LRBA: variants seen among roughly 807,000 people sequenced by gnomAD.
The protein encoded by LRBA is lipopolysaccharide-responsive and beige-like anchor protein.
LRBA carries 176 observed loss-of-function variants against 330.0 expected under a neutral mutation model. That is an observed-to-expected ratio of 0.53 (90% CI 0.47 to 0.60). The LOEUF is 0.60. Ranked by LOEUF, LRBA falls within the 20% of genes least tolerant of loss-of-function variation. LRBA has a pLI of 0.00. For missense variants in LRBA, 3,259 were observed against 3,444.8 expected (o/e 0.95, Z 1.35); for synonymous variants, 1,230 against 1,193.0 (o/e 1.03, Z -0.64).
At chr4:150,788,239 ATTTTTTTTT>A (rs377479266) in intron 34 of LRBA, among the ~76,000 whole-genome samples, 1 of 123,238 alleles carries the variant, frequency 8.1e-6, no homozygotes, top group African/African-American at 3.9e-5. Flanking sequence ...CACCCGGTTA[ATTTTTTTTT>A]TTTTTTTTTT....
intron 35 of LRBA, among the ~76,000 whole-genome samples, chr4:150,753,667 C>G (rs973344609): frequency 2.0e-5 from 3 of 152,140 alleles, no homozygotes; most frequent in Non-Finnish European, 4.4e-5. Context: ...TTTAGCAAAA[C>G]ATTTAAAGCT....
chr4:150,867,083 T>C (rs1487285428), intron 22 of LRBA, among the ~76,000 whole-genome samples: 1 of 125,266 alleles, frequency 8.0e-6, no homozygotes, highest in Non-Finnish European at 1.7e-5. Flanking sequence ...AAGCTATATA[T>C]AAATAACTAA....
intron 36 of LRBA, among the ~76,000 whole-genome samples, chr4:150,688,941 C>T (rs1783863631): frequency 6.6e-6 from 1 of 152,150 alleles, no homozygotes; most frequent in South Asian, 2.1e-4. Context: ...CCATTTGACC[C>T]AGCAATCCCA....
intron 42 of LRBA, among the ~76,000 whole-genome samples, chr4:150,483,243 G>A (rs192472840): frequency 1.3e-4 from 19 of 151,946 alleles, no homozygotes; most frequent in African/African-American, 4.3e-4. Flanking sequence ...TTGTTAAAAA[G>A]ATCATTTTCC....
intron 16 of LRBA, among the ~76,000 whole-genome samples, chr4:150,893,954 CGTGA>C (rs1680471806): frequency 6.6e-6 from 1 of 152,220 alleles, no homozygotes; most frequent in Admixed American, 6.5e-5. Context: ...GGATTACAGG[CGTGA>C]GTGAGCCACC....
chr4:150,833,201 G>C (rs962194700), intron 28 of LRBA, among the ~76,000 whole-genome samples: 1 of 152,030 alleles, frequency 6.6e-6, no homozygotes, highest in Non-Finnish European at 1.5e-5. Context: ...CTCCATTCTA[G>C]CTCTACAGGT....
chr4:150,852,831 C>T lies in LRBA; in HGVS notation c.2879G>A (p.Gly960Asp). Residue 960 changes from glycine (G) to aspartate (D), a missense_variant, in exon 23 of 57, where the codon GGC becomes GAC. Transcript: ENST00000651943. ...CSSTSVQAAS[G>D]IRRDINVSVG... ...TGAAACATTAATATCCCTTCTAATG[C>T]CAGAGGCTGCTTGAACTGAAGTTGA... 2 of 1,613,880 alleles carry T rather than the reference C, an allele frequency of 1.2e-6. No homozygotes were observed. The highest frequency in any genetic ancestry group is 1.7e-6 in the Non-Finnish European group (2 of 1,179,888).
chr4:150,281,622 A>T (rs943062553), intron 55 of LRBA, among the ~76,000 whole-genome samples: 3 of 152,074 alleles, frequency 2.0e-5, no homozygotes, highest in Non-Finnish European at 4.4e-5. Flanking sequence ...AGCCCCTGTG[A>T]CCCTACTCCT....
intron 36 of LRBA, among the ~76,000 whole-genome samples, chr4:150,695,693 C>T (rs932805127): frequency 6.6e-6 from 1 of 152,076 alleles, no homozygotes; most frequent in Non-Finnish European, 1.5e-5. Context: ...TGTATCTTCA[C>T]AAAATATGTA....
chr4:150,993,257 T>C (rs1183734329), intron 2 of LRBA, among the ~76,000 whole-genome samples: 2 of 152,178 alleles, frequency 1.3e-5, no homozygotes, highest in African/African-American at 4.8e-5. Context: ...TAAAAGGAAA[T>C]TTCAATGTTC....
At chr4:150,342,875 A>G (rs1735773737) in intron 48 of LRBA, among the ~76,000 whole-genome samples, 1 of 152,200 alleles carries the variant, frequency 6.6e-6, no homozygotes, top group South Asian at 2.1e-4. Flanking sequence ...AACAGAAATT[A>G]GTCTAATTTG....
intron 42 of LRBA, among the ~76,000 whole-genome samples, chr4:150,475,667 A>T (rs993166134): frequency 1.3e-5 from 2 of 151,656 alleles, no homozygotes; most frequent in African/African-American, 4.8e-5. Context: ...AAGGCTAAGG[A>T]GGGAGGATCA....
intron 56 of LRBA, among the ~76,000 whole-genome samples, chr4:150,273,398 C>T (rs983785872): frequency 9.9e-5 from 15 of 152,162 alleles, no homozygotes; most frequent in Non-Finnish European, 1.8e-4. Context: ...AAGGAAACTG[C>T]ATCAACTAAT....
intron 46 of LRBA, among the ~76,000 whole-genome samples, chr4:150,424,621 GCACACACGCACA>G (rs1430891415): frequency 1.4e-4 from 21 of 147,482 alleles, no homozygotes; most frequent in African/African-American, 5.3e-4. Context: ...GTGCGCGCGT[GCACACACGCACA>G]CACACACACA....
intron 48 of LRBA, among the ~76,000 whole-genome samples, chr4:150,346,757 C>CAAAAAAAAAAAAAAAAAAAAAAAA (rs57119340): frequency 3.0e-5 from 2 of 66,136 alleles, no homozygotes; most frequent in African/African-American, 1.6e-4. Flanking sequence ...GACTCTGTCT[C>CAAAAAAAAAAAAAAAAAAAAAAAA]AAAAAAAAAA....
rs764408115 is a variant in LRBA, at chr4:150,471,738, G to A, written c.6553C>T (p.Arg2185Cys). The change falls in exon 43 of 57, where the codon CGT becomes TGT. Residue 2185 changes from arginine (R) to cysteine (C), a missense_variant and splice_region_variant. Arg to Cys is a radical substitution (Grantham distance 180). Transcript: ENST00000651943. ...GTSFGLPQTR[R>C]ISLASPRQLF... ...TGACGTGGACTAGCTAATGAAATAC[G>A]TCTGCAAGAAAAAGAATTCAATGTG... 1.2e-5 allele frequency: 17 copies of A among 1,424,682 alleles called. No individual in the cohort carries two copies. The highest frequency in any genetic ancestry group is 9.2e-5 in the Admixed American group (5 of 54,418). 88.3% of individuals were successfully genotyped at this position (1,424,682 alleles called of 1,614,324 possible). A position where few individuals can be genotyped will look rare whatever the true frequency, so the allele number is the denominator to read the frequency against.
intron 47 of LRBA, among the ~76,000 whole-genome samples, chr4:150,363,719 C>G (rs540124440): frequency 2.6e-5 from 4 of 152,158 alleles, no homozygotes; most frequent in Admixed American, 6.5e-5. Flanking sequence ...CCCCAAAGGG[C>G]AGGTGTCACA....
intron 22 of LRBA, among the ~76,000 whole-genome samples, chr4:150,860,556 G>T (rs764773010): frequency 6.6e-6 from 1 of 152,118 alleles, no homozygotes; most frequent in African/African-American, 2.4e-5. Flanking sequence ...GGCCGGGCGC[G>T]GTGGTTCACA....
chr4:150,920,410 G>T (rs1269482589), intron 5 of LRBA, among the ~76,000 whole-genome samples: 1 of 152,098 alleles, frequency 6.6e-6, no homozygotes, highest in Non-Finnish European at 1.5e-5. Flanking sequence ...TTAGTCAGGC[G>T]TGGTCGTGGG....
Sources: allele counts gnomAD v4.1 joint callset (sites outside exome capture counted in the v4.1 genomes callset), GRCh38; gene constraint gnomAD v4.1.1; transcripts MANE v1.5; gene names NCBI Gene and HGNC (gene_info 2026-07-23, HGNC 2026-07-21).